Variants in ALDH1A2 observed in about 807,000 individuals in gnomAD.
ALDH1A2 encodes aldehyde dehydrogenase 1 family member A2.
In ALDH1A2, 27 loss-of-function variants were observed where a neutral mutation model predicts 60.3. That is an observed-to-expected ratio of 0.45 (90% CI 0.33 to 0.62). The LOEUF is 0.62. ALDH1A2 is among the 20% of genes least tolerant of loss of function. The probability of loss-of-function intolerance (pLI) is 0.02; values close to 1 mark genes in which losing one functional copy is unlikely to be tolerated. For synonymous variants in ALDH1A2, 289 were observed against 232.4 expected, an observed-to-expected ratio of 1.24 and a Z score of -2.21; for missense variants, 581 against 643.8, an observed-to-expected ratio of 0.90 and a Z score of 1.06.
chr15:58,043,789 C>T (rs1305817797), intron 1 of ALDH1A2, among the ~76,000 whole-genome samples: 7 of 151,988 alleles, frequency 4.6e-5, no homozygotes, highest in African/African-American at 1.7e-4. Flanking sequence ...CATACTTTAA[C>T]AGCCAAGTCC....
At chr15:57,973,093 T>C (rs1336317897) in intron 7 of ALDH1A2, among the ~76,000 whole-genome samples, 1 of 152,194 alleles carries the variant, frequency 6.6e-6, no homozygotes, top group Admixed American at 6.5e-5. Context: ...TCTGCTGTAG[T>C]TTGCTTTGAT....
chr15:58,037,550 C>G (rs1161728033), intron 1 of ALDH1A2, among the ~76,000 whole-genome samples: 1 of 151,546 alleles, frequency 6.6e-6, no homozygotes, highest in Non-Finnish European at 1.5e-5. Context: ...ACCATTAAAG[C>G]AAGACCAGCC....
At chr15:57,979,338 G>A (rs1894397016) in intron 7 of ALDH1A2, among the ~76,000 whole-genome samples, 1 of 152,174 alleles carries the variant, frequency 6.6e-6, no homozygotes, top group East Asian at 1.9e-4. Context: ...TGCGGGTATA[G>A]AAACCACAAA....
At chr15:57,962,567 T>C (rs548041415) in intron 9 of ALDH1A2, among the ~76,000 whole-genome samples, 1 of 152,198 alleles carries the variant, frequency 6.6e-6, no homozygotes, top group Non-Finnish European at 1.5e-5. Context: ...AGGCAAAAAT[T>C]AGCACACAGC....
intron 1 of ALDH1A2, among the ~76,000 whole-genome samples, chr15:58,062,873 C>G (rs187257392): frequency 3.3e-5 from 5 of 152,290 alleles, no homozygotes; most frequent in African/African-American, 1.2e-4. Context: ...ATGTAACTGC[C>G]TAAAAGTCCA....
intron 7 of ALDH1A2, among the ~76,000 whole-genome samples, chr15:57,984,274 A>G (rs1566937724): frequency 1.3e-5 from 2 of 152,366 alleles, no homozygotes; most frequent in East Asian, 3.9e-4. Flanking sequence ...TTTAGCAGGT[A>G]CTTGACACAA....
intron 7 of ALDH1A2, among the ~76,000 whole-genome samples, chr15:57,975,022 T>C (rs1894200668): frequency 1.3e-5 from 2 of 152,250 alleles, no homozygotes; most frequent in Non-Finnish European, 2.9e-5. Context: ...GACAATGCTA[T>C]ATACCTATTT....
chr15:58,061,698 T>C (rs1897043842), intron 1 of ALDH1A2, among the ~76,000 whole-genome samples: 1 of 150,134 alleles, frequency 6.7e-6, no homozygotes, highest in African/African-American at 2.4e-5. Flanking sequence ...AAACTATCAA[T>C]TTCTTTAAAG....
At chr15:58,061,920 C>T (rs1487227713) in intron 1 of ALDH1A2, among the ~76,000 whole-genome samples, 2 of 152,078 alleles carry the variant, frequency 1.3e-5, no homozygotes, top group Non-Finnish European at 2.9e-5. Flanking sequence ...TTTTGGCACA[C>T]AAACTTTTTA....
chr15:57,958,079 A>C (rs1352528295), intron 12 of ALDH1A2, among the ~76,000 whole-genome samples: 1 of 152,172 alleles, frequency 6.6e-6, no homozygotes, highest in African/African-American at 2.4e-5. Context: ...AAGCTTGTTA[A>C]AAACGCAGTT....
In ALDH1A2 at chr15:58,014,272, T is replaced by G; in HGVS notation, c.127A>C (p.Asn43His). ...LEIKYTKIFI[N>H]NEWQNSESGR... is the part of the protein sequence containing the mutation. ...CTCTCTGAGTTCTGCCACTCGTTGT[T>G]TATAAAGATCTAAGGGAGTAGATAA... Residue 43 changes from asparagine (N) to histidine (H), a missense_variant, in exon 2 of 13, where the codon AAC becomes CAC. Physicochemically the swap from Asn to His is moderately conservative, Grantham distance 68. This residue lies in a region of ALDH1A2 where 206 missense variants were observed against 174.1 expected (regional missense o/e 1.18). Coordinates refer to ENST00000249750, the MANE Select transcript of ALDH1A2 (RefSeq NM_003888.4). 6.2e-7 allele frequency: 1 copy of G among 1,613,816 alleles called. No individual in the cohort carries two copies. Among genetic ancestry groups the G allele is most frequent in the Non-Finnish European group, 8.5e-7 (1 of 1,179,748 alleles).
intron 1 of ALDH1A2, among the ~76,000 whole-genome samples, chr15:58,022,247 A>C (rs1295298297): frequency 6.6e-6 from 1 of 152,094 alleles, no homozygotes; most frequent in Non-Finnish European, 1.5e-5. Flanking sequence ...GAGATTGCCC[A>C]ACCCAATCTA....
In ALDH1A2 at chr15:58,016,560, T is replaced by C. The variant is rs528299466; in HGVS notation, c.118-2279A>G. On this transcript the variant is annotated intron_variant, in intron 1 of 12. Transcript: ENST00000249750. ...AAAAGGAAAAAATACTTATTTTTAG[T>C]AAGTTAAACTCATTTTCTTCATCAC... 2.6e-5 allele frequency among the ~76,000 whole-genome samples: 4 copies of C among 152,338 alleles called. No individual in the cohort carries two copies. The East Asian group carries it at 5.8e-4, about 22-fold the overall frequency.
At chr15:57,986,797 T>C (rs1160302058) in intron 7 of ALDH1A2, among the ~76,000 whole-genome samples, 1 of 152,048 alleles carries the variant, frequency 6.6e-6, no homozygotes, top group Non-Finnish European at 1.5e-5. Context: ...CTCAACCTCC[T>C]GAGTAGCTGA....
chr15:57,970,245 A>G (rs149363210), intron 7 of ALDH1A2, among the ~76,000 whole-genome samples: 184 of 152,350 alleles, frequency 1.2e-3, no homozygotes, highest in African/African-American at 4.2e-3. Flanking sequence ...ATGAAAGAGT[A>G]AGTGATAGTG....
At position 58,014,083 on chromosome 15, in the gene ALDH1A2, G is replaced by A. The variant is rs1446677769; in HGVS notation, c.223-85C>T. ...CACTGTCATGAAAAAAGTGAAGCAT[G>A]AGCATGTAGTGGTGTACTGAGAGCA... On this transcript the variant is annotated intron_variant, in intron 2 of 12. Coordinates refer to ENST00000249750, the MANE Select transcript of ALDH1A2 (RefSeq NM_003888.4). 11 of 1,613,806 alleles carry A rather than the reference G, an allele frequency of 6.8e-6. No homozygotes were observed. In the Admixed American group the frequency reaches 1.7e-4, roughly 24 times the overall value.
At chr15:58,055,399 T>G (rs1418919693) in intron 1 of ALDH1A2, among the ~76,000 whole-genome samples, 1 of 152,100 alleles carries the variant, frequency 6.6e-6, no homozygotes, top group Non-Finnish European at 1.5e-5. Context: ...GTTTCTACAT[T>G]GTTAGACATT....
intron 7 of ALDH1A2, among the ~76,000 whole-genome samples, chr15:57,967,016 G>GA (rs1205921411): frequency 2.7e-4 from 41 of 152,186 alleles, no homozygotes; most frequent in African/African-American, 8.4e-4. Context: ...AAATTTTCCT[G>GA]AAAATTAAAT....
At chr15:57,968,573 A>C (rs1310705063) in intron 7 of ALDH1A2, among the ~76,000 whole-genome samples, 1 of 152,242 alleles carries the variant, frequency 6.6e-6, no homozygotes, top group East Asian at 1.9e-4. Context: ...CTGATTTCAA[A>C]GTAGGTAGGA....
Sources: gnomAD v4.1 joint callset for allele counts (sites outside exome capture counted in the v4.1 genomes callset) on GRCh38, gnomAD v4.1.1 for gene constraint, gnomAD v4.1.1 regional missense constraint, MANE v1.5 for transcripts, NCBI Gene and HGNC (gene_info 2026-07-23, HGNC 2026-07-21) for gene names.